Variants in LUC7L2 observed in about 807,000 individuals in gnomAD.
LUC7L2 encodes the protein putative RNA-binding protein Luc7-like 2.
Under a neutral mutation model 52.8 loss-of-function variants are expected in LUC7L2, and 25 were observed. The ratio of observed to expected loss-of-function variants is 0.47; its 90% CI spans 0.34 to 0.66. The LOEUF (loss-of-function observed/expected upper bound fraction) is 0.66, where lower values mean the gene tolerates loss of function less well. Ranked by LOEUF, LUC7L2 falls within the 30% of genes least tolerant of loss-of-function variation. The probability of loss-of-function intolerance (pLI) is 0.01; values close to 1 mark genes in which losing one functional copy is unlikely to be tolerated. For synonymous variants in LUC7L2, 144 were observed against 160.9 expected (o/e 0.89, Z 0.80); for missense variants, 328 against 497.8 (o/e 0.66, Z 3.25).
chr7:139,389,784 CTA>C (rs1275437634), intron 2 of LUC7L2, among the ~76,000 whole-genome samples: 2 of 152,158 alleles, frequency 1.3e-5, no homozygotes. Flanking sequence ...TCAAGAAAGA[CTA>C]TGTTCCTCCC....
chr7:139,411,343 A>G (rs1795352188), intron 7 of LUC7L2, among the ~76,000 whole-genome samples: 1 of 152,220 alleles, frequency 6.6e-6, no homozygotes, highest in South Asian at 2.1e-4. Flanking sequence ...ATTATATAAG[A>G]TGGGATAAAA....
chr7:139,381,765 G>A (rs894102571), intron 2 of LUC7L2, among the ~76,000 whole-genome samples: 1 of 151,690 alleles, frequency 6.6e-6, no homozygotes, highest in Non-Finnish European at 1.5e-5. Context: ...TAGTAGAGAC[G>A]GGGTTTTGCC....
intron 4 of LUC7L2, 30 bp downstream of exon 4, chr7:139,402,277 A>G (rs1398827942): frequency 1.9e-6 from 3 of 1,545,268 alleles, no homozygotes; most frequent in Non-Finnish European, 2.6e-6. Context: ...CATTAGTACA[A>G]AGTATTATTT....
upstream of LUC7L2, among the ~76,000 whole-genome samples, chr7:139,358,811 A>G (rs1799706747): frequency 6.6e-6 from 1 of 151,888 alleles, no homozygotes; most frequent in South Asian, 2.1e-4. Flanking sequence ...CAGCCTCCCG[A>G]GTAGCTGGGG....
chr7:139,401,582 A>G lies in LUC7L2; in HGVS notation c.256-555A>G, dbSNP rs1044347983. ...ATTCTCCTGCCTCAGCCTCCCGAGT[A>G]GCTGGGATTACAGGCGCGCACTACC... On this transcript the variant is annotated intron_variant, in intron 3 of 9. Transcript: ENST00000354926. Among the ~76,000 whole-genome samples the G allele has an allele frequency of 5.9e-5, 9 of 152,040 alleles. No homozygotes were observed. The East Asian group carries it at 1.7e-3, about 29-fold the overall frequency.
intron 1 of LUC7L2, 136 bp downstream of exon 1, chr7:139,360,458 C>G: frequency 1.4e-6 from 1 of 723,860 alleles, no homozygotes. Flanking sequence ...GTCCCCGTCC[C>G]CCGTCCCATC....
rs191835361 is a variant in LUC7L2, at chr7:139,379,339, G to C, written c.156+3183G>C. ...CAACATAGTAAGACTCTGTCACAAA[G>C]GAAAAAAGTATCCAGAAATGCATTT... On this transcript the variant is annotated intron_variant, in intron 2 of 9. Transcript: ENST00000354926. 4.9e-4 allele frequency among the ~76,000 whole-genome samples: 73 copies of C among 149,940 alleles called. 1 individual carries two copies. Among genetic ancestry groups the C allele is most frequent in the Non-Finnish European group, 9.2e-4 (62 of 67,718 alleles).
At chr7:139,403,618 G>A (rs906620503) in intron 4 of LUC7L2, among the ~76,000 whole-genome samples, 43 of 152,188 alleles carry the variant, frequency 2.8e-4, no homozygotes, top group African/African-American at 8.9e-4. Context: ...GCTTGGTAGA[G>A]CCTGAGTTGT....
At chr7:139,357,695 A>ATT (rs11383117), upstream of LUC7L2, among the ~76,000 whole-genome samples, 248 of 143,952 alleles carry the variant, frequency 1.7e-3, 1 homozygote, top group South Asian at 0.012. Context: ...ATTCAAAATA[A>ATT]TTTTTTTTTT....
rs1266133881 is a variant in LUC7L2, at chr7:139,407,307, A to C, written c.644A>C (p.His215Pro). 6.2e-7 allele frequency: 1 copy of C among 1,609,840 alleles called. No homozygotes were observed. Among genetic ancestry groups the C allele is most frequent in the Non-Finnish European group, 8.5e-7 (1 of 1,177,548 alleles). ...RLADHFGGKL[H>P]LGFIEIREKL... ...GCTGATCATTTTGGGGGTAAACTGC[A>C]CCTGGGATTTATTGAAATAAGAGAG... Residue 215 changes from histidine (H) to proline (P), a missense_variant, in exon 6 of 10, where the codon CAC (histidine) becomes CCC (proline). Coordinates refer to ENST00000354926, the MANE Select transcript of LUC7L2 (RefSeq NM_016019.5).
intron 1 of LUC7L2, chr7:139,375,015 G>A: frequency 3.0e-6 from 3 of 984,892 alleles, no homozygotes; most frequent in Non-Finnish European, 3.6e-6. Flanking sequence ...TAATTCACCA[G>A]TAGGTTTTCA....
intron 8 of LUC7L2, among the ~76,000 whole-genome samples, chr7:139,415,720 C>G (rs1795566191): frequency 6.6e-6 from 1 of 151,650 alleles, no homozygotes; most frequent in African/African-American, 2.4e-5. Flanking sequence ...GTCTTGAACT[C>G]CTCCCGTTTA....
chr7:139,361,970 G>A (rs1470095478), intron 1 of LUC7L2, among the ~76,000 whole-genome samples: 1 of 152,108 alleles, frequency 6.6e-6, no homozygotes, highest in East Asian at 1.9e-4. Context: ...ACCATCTCCT[G>A]ATAAGTTTCT....
At position 139,341,627 on chromosome 7, in the gene LUC7L2, C is replaced by T; in HGVS notation, c.-26+1110C>T. 3.3e-6 allele frequency: 5 copies of T among 1,499,412 alleles called. No individual in the cohort carries two copies. In the South Asian group the frequency reaches 5.1e-5, roughly 15 times the overall value. The allele number at this position is 1,499,412 out of a possible 1,614,324, so 92.9% of individuals were successfully genotyped here. A position where few individuals can be genotyped will look rare whatever the true frequency, so the allele number is the denominator to read the frequency against. ...TGTTTAATTCCTGCATTTCTGAGGC[C>T]AACCCTCCCACGGAGCCCTGGTTCT... is the stretch of plus-strand genomic sequence containing the variant. On this transcript the variant is annotated intron_variant, in intron 1 of 10. Coordinates refer to the LUC7L2 transcript ENST00000541170.
At chr7:139,375,986 C>A in intron 1 of LUC7L2, 76 bp from the exon 2 acceptor site, 1 of 1,470,656 alleles carries the variant, frequency 6.8e-7, no homozygotes, top group South Asian at 1.2e-5. Context: ...ACATAAAAAG[C>A]TAGTAATAGT....
intron 8 of LUC7L2, among the ~76,000 whole-genome samples, chr7:139,415,002 T>C (rs1001391787): frequency 1.3e-5 from 2 of 151,714 alleles, no homozygotes; most frequent in African/African-American, 2.4e-5. Flanking sequence ...TTCTTCTACC[T>C]TAGGCTCCCT....
chr7:139,357,975 C>T (rs1370651451), upstream of LUC7L2, among the ~76,000 whole-genome samples: 2 of 151,730 alleles, frequency 1.3e-5, no homozygotes, highest in Non-Finnish European at 2.9e-5. Flanking sequence ...CAGGTGTGAG[C>T]CACTGCGTCC....
intron 2 of LUC7L2, among the ~76,000 whole-genome samples, chr7:139,382,788 G>A (rs1212482735): frequency 3.3e-5 from 5 of 152,230 alleles, no homozygotes; most frequent in African/African-American, 1.2e-4. Context: ...TGTTGCCCCA[G>A]TAGGTTCCGG....
rs1332716547 is a variant in LUC7L2 at position 139,412,534 on chromosome 7, ATAT to A, written c.780-15_780-13del. 5 of 1,549,506 alleles carry A rather than the reference ATAT, an allele frequency of 3.2e-6. No individual in the cohort carries two copies. In the African/African-American group the frequency reaches 6.3e-5, roughly 19 times the overall value. ...TTTATAGCCACTTTTCTAAAAATAC[ATAT>A]TTTTTTTTTTTAGGTCCCGATCACA... is the stretch of plus-strand genomic sequence containing the variant. On this transcript the variant is annotated splice_polypyrimidine_tract_variant and intron_variant, in intron 7 of 9. Transcript: ENST00000354926.
Sources: gnomAD v4.1 joint callset for allele counts (sites outside exome capture counted in the v4.1 genomes callset) on GRCh38, gnomAD v4.1.1 for gene constraint, MANE v1.5 for transcripts, NCBI Gene and HGNC (gene_info 2026-07-23, HGNC 2026-07-21) for gene names.